The following ABCC5 variants were observed in gnomAD, a reference collection of about 807,000 sequenced individuals.
ABCC5 encodes the protein ATP-binding cassette sub-family C member 5.
A neutral mutation model predicts 160.9 loss-of-function variants in ABCC5; 61 were observed. The ratio of observed to expected loss-of-function variants is 0.38; its 90% confidence interval spans 0.31 to 0.47. ABCC5 has a LOEUF of 0.47. Among genes scored for constraint, ABCC5 ranks in the 20% least tolerant of loss-of-function variants. The probability of loss-of-function intolerance (pLI) is 0.99; values close to 1 mark genes in which losing one functional copy is unlikely to be tolerated. For synonymous variants in ABCC5, 666 were observed against 700.6 expected (o/e 0.95, Z 0.78); for missense variants, 1,308 against 1,813.3 (o/e 0.72, Z 5.06).
chr3:183,990,223 C>G (rs1719629822), intron 2 of ABCC5, among the ~76,000 whole-genome samples: 1 of 152,108 alleles, frequency 6.6e-6, no homozygotes, highest in South Asian at 2.1e-4. Context: ...ATTCTCATGT[C>G]TCAGCCTCCG....
At chr3:183,964,793 T>A (rs1346189894) in intron 14 of ABCC5, among the ~76,000 whole-genome samples, 1 of 152,238 alleles carries the variant, frequency 6.6e-6, no homozygotes, top group Non-Finnish European at 1.5e-5. Context: ...AATGTGGATT[T>A]GTTCTAAGGG....
chr3:183,922,357 G>A (rs1173033232), intron 29 of ABCC5, among the ~76,000 whole-genome samples: 1 of 124,330 alleles, frequency 8.0e-6, no homozygotes, highest in Non-Finnish European at 1.9e-5. Flanking sequence ...TGGGCAACAA[G>A]AGCGAAACTC....
intron 1 of ABCC5, among the ~76,000 whole-genome samples, chr3:184,014,743 C>T (rs1473578728): frequency 2.0e-5 from 3 of 151,712 alleles, no homozygotes; most frequent in Non-Finnish European, 4.4e-5. Flanking sequence ...TTCAACTAAG[C>T]TCAAATCCAG....
At chr3:183,970,119 G>C (rs1422287008) in intron 11 of ABCC5, among the ~76,000 whole-genome samples, 1 of 152,072 alleles carries the variant, frequency 6.6e-6, no homozygotes, top group Non-Finnish European at 1.5e-5. Context: ...TCCTCCAAAG[G>C]CTCCTCTTCC....
At chr3:184,016,393 CTTGAACATAAGGACACCATCGT>C (rs1722196035) in intron 1 of ABCC5, among the ~76,000 whole-genome samples, 1 of 152,132 alleles carries the variant, frequency 6.6e-6, no homozygotes, top group African/African-American at 2.4e-5. Flanking sequence ...TGTCTGTGGC[CTTGAACATAAGGACACCATCGT>C]CTGTGTATCT....
In ABCC5 at chr3:183,963,369, G is replaced by T; in HGVS notation, c.2235+16C>A. The T allele has an allele frequency of 6.2e-7, 1 of 1,614,022 alleles. No homozygotes were observed. The highest frequency in any genetic ancestry group is 8.5e-7 in the Non-Finnish European group (1 of 1,179,838). ...CCCAAACTCAGGCAGGCAGCCGAGGGAAGAAAGAACCATACCTGTAACTGG... is the reference window on the plus strand; with the variant it reads ...CCCAAACTCAGGCAGGCAGCCGAGGTAAGAAAGAACCATACCTGTAACTGG... On this transcript the variant is annotated intron_variant, in intron 15 of 29. Coordinates refer to ENST00000334444, the MANE Select transcript of ABCC5 (RefSeq NM_005688.4). The surrounding 1 kb of genome is among the most constrained non-coding windows in gnomAD (Gnocchi z 4.6).
Position 183,982,658 on chromosome 3 carries a change from C to A in ABCC5, c.826-34G>T. The A allele has an allele frequency of 6.2e-7, 1 of 1,611,716 alleles. No homozygotes were observed. Among genetic ancestry groups the A allele is most frequent in the Non-Finnish European group, 8.5e-7 (1 of 1,178,234 alleles). On this transcript the variant is annotated intron_variant, in intron 6 of 29. Transcript: ENST00000334444. This position sits in a 1 kb window ranked among gnomAD's most constrained non-coding sequence, Gnocchi z 5.2. ...TACAAAGAGTAGTGAGGGGACCCTG[C>A]AAGGACACGGTTCATTTGTCTCAGG...
rs773785773 is a variant in ABCC5, at chr3:183,987,626, C to T, written c.591+144G>A. The T allele has an allele frequency of 8.1e-6, 9 of 1,110,852 alleles. No individual in the cohort carries two copies. The highest frequency in any genetic ancestry group is 3.1e-5 in the African/African-American group (2 of 64,544). The allele number at this position is 1,110,852 out of a possible 1,614,324, so 68.8% of individuals were successfully genotyped here. On this transcript the variant is annotated intron_variant, in intron 5 of 29. Coordinates refer to ENST00000334444, the MANE Select transcript of ABCC5 (RefSeq NM_005688.4). This position sits in a 1 kb window ranked among gnomAD's most constrained non-coding sequence, Gnocchi z 4.2. ...CCTTCCAGCTGTTGCCAAAATCCAT[C>T]GACCCCTTTCAACAGACCTGAAGGC...
At chr3:184,011,699 C>T (rs6443928) in intron 2 of ABCC5, among the ~76,000 whole-genome samples, 90,338 of 151,976 alleles carry the variant, frequency 0.59, 27,258 homozygotes, top group East Asian at 0.85. Flanking sequence ...ATCTATAACA[C>T]GGAATGCTAC....
intron 2 of ABCC5, among the ~76,000 whole-genome samples, chr3:184,004,896 A>C (rs1721054213): frequency 6.6e-6 from 1 of 152,138 alleles, no homozygotes; most frequent in Non-Finnish European, 1.5e-5. Flanking sequence ...GTCTATTTCC[A>C]CCACATAAAT....
At chr3:183,936,948 CAAG>C (rs897631812) in intron 26 of ABCC5, among the ~76,000 whole-genome samples, 6 of 152,076 alleles carry the variant, frequency 3.9e-5, no homozygotes. Flanking sequence ...TTTAATAGGC[CAAG>C]AAGAAGGATT....
intron 22 of ABCC5, among the ~76,000 whole-genome samples, chr3:183,948,643 T>C (rs998129502): frequency 6.6e-6 from 1 of 152,012 alleles, no homozygotes; most frequent in African/African-American, 2.4e-5. Flanking sequence ...TACCCAGTTC[T>C]CCCTTCCAGT....
chr3:183,956,951 C>T (rs1422798946), intron 17 of ABCC5, among the ~76,000 whole-genome samples: 1 of 147,048 alleles, frequency 6.8e-6, no homozygotes, highest in Non-Finnish European at 1.5e-5. Context: ...CATGCGGATC[C>T]GTGTGTACAT....
chr3:183,932,431 T>C (rs1242973046), intron 26 of ABCC5, among the ~76,000 whole-genome samples: 1 of 152,092 alleles, frequency 6.6e-6, no homozygotes, highest in Non-Finnish European at 1.5e-5. Context: ...GGAAAAGAAA[T>C]GTAACTAAAG....
In ABCC5 at chr3:183,967,397, C is replaced by A. The variant is rs1305480474; in HGVS notation, c.1833+298G>T. ...TCTCTTATCTCTGACATTTTCAATA[C>A]ACGGGCATACCTGTGGCACTCAATA... is the stretch of plus-strand genomic sequence containing the variant. On this transcript the variant is annotated intron_variant, in intron 12 of 29. Coordinates refer to ENST00000334444, the MANE Select transcript of ABCC5 (RefSeq NM_005688.4). 5.2e-5 allele frequency: 18 copies of A among 344,460 alleles called. No individual in the cohort carries two copies. In the Admixed American group the frequency reaches 7.0e-4, roughly 13 times the overall value. The allele number at this position is 344,460 out of a possible 1,614,324, so 21.3% of individuals were successfully genotyped here.
At chr3:184,000,904 C>G (rs936380939) in intron 2 of ABCC5, 14 of 273,172 alleles carry the variant, frequency 5.1e-5, no homozygotes, top group African/African-American at 3.1e-4. Flanking sequence ...ATAATGCAAG[C>G]TGCAAATGTA....
intron 16 of ABCC5, 68 bp from the exon 17 acceptor site, chr3:183,959,903 T>C (rs1284025729): frequency 3.6e-6 from 4 of 1,120,338 alleles, no homozygotes; most frequent in Non-Finnish European, 5.2e-6. Flanking sequence ...ACAGGATACA[T>C]ATTAGGGAAT....
chr3:183,927,567 T>A lies in ABCC5; in HGVS notation c.3934-124A>T, dbSNP rs1479618565. Reference sequence around the variant, plus strand: ...AACTATTAGCCAAGAACCTGTCTCATCTGGAATGAAGGTGCAGGTGTACTG... The same window carrying A: ...AACTATTAGCCAAGAACCTGTCTCAACTGGAATGAAGGTGCAGGTGTACTG... On this transcript the variant is annotated intron_variant, in intron 27 of 29. Coordinates refer to ENST00000334444, the MANE Select transcript of ABCC5 (RefSeq NM_005688.4). 3 of 1,447,626 alleles carry A rather than the reference T, an allele frequency of 2.1e-6. No homozygotes were observed. The South Asian group carries it at 4.0e-5, about 19-fold the overall frequency. The allele number at this position is 1,447,626 out of a possible 1,614,324, so 89.7% of individuals were successfully genotyped here.
At chr3:183,933,680 C>A (rs930149652) in intron 26 of ABCC5, among the ~76,000 whole-genome samples, 1 of 152,260 alleles carries the variant, frequency 6.6e-6, no homozygotes, top group East Asian at 1.9e-4. Flanking sequence ...TCTGGCTAAT[C>A]TAAGGAAGGG....
Sources: allele counts gnomAD v4.1 joint callset (sites outside exome capture counted in the v4.1 genomes callset), GRCh38; gene constraint gnomAD v4.1.1; non-coding constraint Gnocchi (gnomAD v3.1); transcripts MANE v1.5; gene names NCBI Gene and HGNC (gene_info 2026-07-23, HGNC 2026-07-21).